Variants in TNR observed in about 807,000 individuals in gnomAD.
The protein encoded by TNR is tenascin-R.
A neutral mutation model predicts 150.4 loss-of-function variants in TNR; 45 were observed. The ratio of observed to expected loss-of-function variants is 0.30; its 90% CI spans 0.24 to 0.38. The LOEUF is 0.38. TNR is among the 10% of genes least tolerant of loss of function. The pLI is 1.00. For missense variants in TNR, 1,544 were observed against 1,759.1 expected, an observed-to-expected ratio of 0.88 and a Z score of 2.19; for synonymous variants, 687 against 678.4, an observed-to-expected ratio of 1.01 and a Z score of -0.20.
intron 1 of TNR, among the ~76,000 whole-genome samples, chr1:175,548,973 C>T (rs1026740600): frequency 4.6e-5 from 7 of 152,220 alleles, no homozygotes; most frequent in Non-Finnish European, 8.8e-5. Flanking sequence ...ATCACCATGT[C>T]CCTGTGCCAA....
At chr1:175,662,744 T>TG (rs754724427) in intron 1 of TNR, among the ~76,000 whole-genome samples, 3 of 152,114 alleles carry the variant, frequency 2.0e-5, no homozygotes, top group Admixed American at 6.5e-5. Context: ...AGTCTGGGTG[T>TG]GGGGGGCAGC....
At position 175,403,373 on chromosome 1, in the gene TNR, C is replaced by T. The variant is rs1653805894; in HGVS notation, c.743G>A (p.Gly248Glu). The T allele has an allele frequency of 1.2e-6, 2 of 1,614,146 alleles. No individual in the cohort carries two copies. The highest frequency in any genetic ancestry group is 3.3e-4 in the Middle Eastern group (2 of 6,062). ...GTAGGGCTCTTCACAGACACACTCC[C>T]CGTCCACGCAGAGCCCCCGGGAGCT... is the stretch of plus-strand genomic sequence containing the variant. The part of the protein sequence containing the change: ...DCSSRGLCVD[G>E]ECVCEEPYTG... Residue 248 changes from glycine to glutamate, a missense_variant, in exon 4 of 23, where the codon GGG becomes GAG. Around this residue, in one of 2 missense-constraint regions of TNR, gnomAD observed 1,254 missense variants for 1,329.4 expected, o/e 0.94. Coordinates refer to ENST00000367674, the MANE Select transcript of TNR (RefSeq NM_003285.3).
chr1:175,373,055 T>C (rs1005253562), intron 9 of TNR, among the ~76,000 whole-genome samples: 5 of 152,128 alleles, frequency 3.3e-5, no homozygotes, highest in South Asian at 2.1e-4. Flanking sequence ...CAGTATGTAG[T>C]ATAGTGAGAA....
chr1:175,695,002 G>T (rs896580525), intron 1 of TNR, among the ~76,000 whole-genome samples: 5 of 152,176 alleles, frequency 3.3e-5, no homozygotes, highest in Admixed American at 6.5e-5. Flanking sequence ...TTTTGTGGTG[G>T]TTTTAAAATA....
intron 1 of TNR, among the ~76,000 whole-genome samples, chr1:175,634,954 G>T (rs73033342): frequency 0.021 from 3,240 of 152,280 alleles, 103 homozygotes; most frequent in African/African-American, 0.071. Context: ...TAATGGCAAA[G>T]GTTCCCAAAC....
In TNR at chr1:175,393,721, A is replaced by G. The variant is rs1369382946; in HGVS notation, c.1356+59T>C. 2.6e-5 allele frequency: 37 copies of G among 1,403,242 alleles called. No individual in the cohort carries two copies. The East Asian group carries it at 8.2e-4, about 31-fold the overall frequency. 86.9% of individuals were successfully genotyped at this position (1,403,242 alleles called of 1,614,324 possible). ...ACTTTCCTTGCTGCCCCTGATTCCAAGCTAAAGGTACAAATATTCCAAATA... is the reference window on the plus strand; with the variant it reads ...ACTTTCCTTGCTGCCCCTGATTCCAGGCTAAAGGTACAAATATTCCAAATA... On this transcript the variant is annotated intron_variant, in intron 6 of 22. Coordinates refer to ENST00000367674, the MANE Select transcript of TNR (RefSeq NM_003285.3).
intron 14 of TNR, among the ~76,000 whole-genome samples, chr1:175,360,021 G>C (rs1194107761): frequency 6.6e-6 from 1 of 152,136 alleles, no homozygotes; most frequent in East Asian, 1.9e-4. Flanking sequence ...ATACTAAAGA[G>C]GATTTCAAGA....
rs187107934 is a variant in TNR at position 175,414,767 on chromosome 1, C to T, written c.-63-7990G>A. Among the ~76,000 whole-genome samples, 12 of 152,302 alleles carry T rather than the reference C, an allele frequency of 7.9e-5. No homozygotes were observed. The East Asian group carries it at 2.3e-3, about 29-fold the overall frequency. On this transcript the variant is annotated intron_variant, in intron 2 of 22. Coordinates refer to ENST00000367674, the MANE Select transcript of TNR (RefSeq NM_003285.3). Reference sequence around the variant, plus strand: ...TGTTTTTCTTTTCCTCTTCCTCCCCCACATGACCTCCTCTGACTTTTGAGG... The same window carrying T: ...TGTTTTTCTTTTCCTCTTCCTCCCCTACATGACCTCCTCTGACTTTTGAGG...
At chr1:175,336,980 C>T (rs1178014981) in intron 19 of TNR, among the ~76,000 whole-genome samples, 1 of 152,210 alleles carries the variant, frequency 6.6e-6, no homozygotes, top group Non-Finnish European at 1.5e-5. Context: ...ACAACGTCCG[C>T]CTCCCAGGTT....
chr1:175,493,675 G>T (rs1021078549), intron 2 of TNR, among the ~76,000 whole-genome samples: 3 of 152,206 alleles, frequency 2.0e-5, no homozygotes, highest in Admixed American at 2.0e-4. Context: ...ACTCCGGTTG[G>T]TGTCTATGTT....
chr1:175,323,400 T>C lies in TNR; in HGVS notation c.4034A>G (p.His1345Arg). ...FVEMKMRPYN[H>R]RLMAGRKRQS... Reference sequence around the variant, plus strand: ...CCGTTTTCTCCCTGCCATGAGACGGTGGTTGTAGGGGCGCATCTTCATTTC... The same window carrying C: ...CCGTTTTCTCCCTGCCATGAGACGGCGGTTGTAGGGGCGCATCTTCATTTC... The change falls in exon 23 of 23, where the codon CAC becomes CGC. Residue 1345 changes from histidine (H) to arginine (R), a missense_variant. By Grantham distance (29) the His-to-Arg change is conservative. Around this residue, in one of 2 missense-constraint regions of TNR, gnomAD observed 290 missense variants for 429.7 expected, o/e 0.67. Coordinates refer to ENST00000367674, the MANE Select transcript of TNR (RefSeq NM_003285.3). 1 of 1,613,920 alleles carries C rather than the reference T, an allele frequency of 6.2e-7. No homozygotes were observed. The highest frequency in any genetic ancestry group is 1.1e-5 in the South Asian group (1 of 91,064).
chr1:175,443,910 T>TG (rs1655912366), intron 2 of TNR, among the ~76,000 whole-genome samples: 1 of 152,194 alleles, frequency 6.6e-6, no homozygotes. Flanking sequence ...GTTGATTTTT[T>TG]GGGGTAGAAG....
chr1:175,465,827 GC>G (rs1557950732), intron 2 of TNR, among the ~76,000 whole-genome samples: 3 of 152,144 alleles, frequency 2.0e-5, no homozygotes, highest in Non-Finnish European at 2.9e-5. Context: ...GGTCCCTCAA[GC>G]CCCCCTCCTC....
In TNR at chr1:175,320,011, G is replaced by A. The variant is rs1648956678; in HGVS notation, c.*3346C>T. 1.3e-5 allele frequency: 2 copies of A among 152,280 alleles called. No individual in the cohort carries two copies. Among genetic ancestry groups the A allele is most frequent in the Non-Finnish European group, 2.9e-5 (2 of 68,060 alleles). The allele number at this position is 152,280 out of a possible 1,614,324, so 9.4% of individuals were successfully genotyped here. A position where few individuals can be genotyped will look rare whatever the true frequency, so the allele number is the denominator to read the frequency against. On this transcript the variant is annotated 3_prime_UTR_variant, in exon 23 of 23. Transcript: ENST00000367674. ...ATATGTTGGGGAAATGCAAAAAAGG[G>A]AAACTGCCTGGACCTTGGGTCTAGA...
chr1:175,391,833 A>C (rs1386689875), intron 6 of TNR, among the ~76,000 whole-genome samples: 1 of 152,236 alleles, frequency 6.6e-6, no homozygotes, highest in Non-Finnish European at 1.5e-5. Flanking sequence ...GCCCCCGGCT[A>C]TTTAGGAGAG....
intron 1 of TNR, among the ~76,000 whole-genome samples, chr1:175,610,627 T>C (rs79716293): frequency 0.018 from 2,711 of 152,274 alleles, 58 homozygotes; most frequent in African/African-American, 0.057. Context: ...TTCTTTCCAG[T>C]CTTGTTTACT....
At chr1:175,684,638 A>T (rs1666135750) in intron 1 of TNR, among the ~76,000 whole-genome samples, 2 of 152,076 alleles carry the variant, frequency 1.3e-5, no homozygotes, top group African/African-American at 2.4e-5. Flanking sequence ...ATCCAAAGAG[A>T]CCCAGTATGA....
intron 1 of TNR, among the ~76,000 whole-genome samples, chr1:175,630,211 G>C (rs544596705): frequency 6.6e-6 from 1 of 152,346 alleles, no homozygotes; most frequent in South Asian, 2.1e-4. Flanking sequence ...TCCAAGAAGA[G>C]ATCTGAAGAG....
At chr1:175,602,203 C>CAAAAAAAAA (rs57341654) in intron 1 of TNR, among the ~76,000 whole-genome samples, 6 of 30,562 alleles carry the variant, frequency 2.0e-4, no homozygotes, top group Non-Finnish European at 2.8e-4. Flanking sequence ...GGACCAAAGG[C>CAAAAAAAAA]AAAAAAAAAA....
Sources: allele counts gnomAD v4.1 joint callset (sites outside exome capture counted in the v4.1 genomes callset), GRCh38; gene constraint gnomAD v4.1.1; regional missense constraint gnomAD v4.1.1; transcripts MANE v1.5; gene names NCBI Gene and HGNC (gene_info 2026-07-23, HGNC 2026-07-21).